GLIS3: variants seen among roughly 807,000 people sequenced by gnomAD.
The protein encoded by GLIS3 is GLIS family zinc finger 3.
In GLIS3, 53 loss-of-function variants were observed where a neutral mutation model predicts 78.6. The observed-to-expected ratio is 0.67, with a 90% CI of 0.54 to 0.85. The LOEUF (loss-of-function observed/expected upper bound fraction) is 0.85. Ranked by LOEUF, GLIS3 falls within the 40% of genes least tolerant of loss-of-function variation. The pLI is 0.00. For synonymous variants in GLIS3, 684 were observed against 509.9 expected (o/e 1.34, Z -4.60); for missense variants, 1,703 against 1,231.1 (o/e 1.38, Z -5.74).
At position 4,203,467 on chromosome 9, in the gene GLIS3, G is replaced by A. The variant is rs1021752359; in HGVS notation, c.389-77526C>T. Among the ~76,000 whole-genome samples the A allele has an allele frequency of 2.0e-5, 3 of 152,188 alleles. 1 individual carries two copies. The stretch of plus-strand genomic sequence containing the variant: ...ACACATTTACCTACGTAACATGACT[G>A]CACGTCCTGCACATGTAGCCTGGAA... On this transcript the variant is annotated intron_variant, in intron 2 of 10. Transcript: ENST00000381971.
At chr9:4,063,073 C>G (rs909272844) in intron 4 of GLIS3, among the ~76,000 whole-genome samples, 1 of 151,780 alleles carries the variant, frequency 6.6e-6, no homozygotes, top group Non-Finnish European at 1.5e-5. Context: ...AGATGGCAAA[C>G]TGAGTTCCAT....
At chr9:4,286,736 T>C (rs1371890488) in intron 1 of GLIS3, among the ~76,000 whole-genome samples, 1 of 152,218 alleles carries the variant, frequency 6.6e-6, no homozygotes, top group Non-Finnish European at 1.5e-5. Context: ...GATCACTGCA[T>C]TGTTTTGTTT....
At chr9:4,311,109 T>G (rs1229521352) in intron 2 of GLIS3, among the ~76,000 whole-genome samples, 3 of 152,190 alleles carry the variant, frequency 2.0e-5, no homozygotes, top group Non-Finnish European at 4.4e-5. Context: ...AGTCTGTGGA[T>G]AGAAGTGTAT....
intron 7 of GLIS3, among the ~76,000 whole-genome samples, chr9:3,897,874 G>C (rs1187482137): frequency 2.6e-5 from 4 of 152,214 alleles, no homozygotes; most frequent in Admixed American, 1.3e-4. Context: ...GAATCAGATG[G>C]GGGTGGGGGT....
chr9:4,107,781 T>C lies in GLIS3; in HGVS notation c.1710+9987A>G, dbSNP rs1046159663. ...AAAAAAAAAACATGGCTGGCATCAT[T>C]TTCTGAGGAGCCAGAGACAACAAAC... On this transcript the variant is annotated intron_variant, in intron 4 of 10. Transcript: ENST00000381971. Among the ~76,000 whole-genome samples the C allele has an allele frequency of 2.6e-5, 4 of 152,008 alleles. No homozygotes were observed. The East Asian group carries it at 7.7e-4, about 29-fold the overall frequency.
rs1283204437 is a variant in GLIS3 at position 3,828,335 on chromosome 9, G to A, written c.2730C>T (p.Phe910=). 7 of 1,614,082 alleles carry A rather than the reference G, an allele frequency of 4.3e-6. No homozygotes were observed. The highest frequency in any genetic ancestry group is 5.9e-6 in the Non-Finnish European group (7 of 1,180,008). Residue 910 remains phenylalanine, a synonymous_variant, in exon 11 of 11, where the codon TTC becomes TTT. Transcript: ENST00000381971. Reference sequence around the variant, plus strand: ...AGCGGTCCACGGTGCTGATCTGCAAGAAGGTAGCATCTTCAGCCCCGCTGC... The same window carrying A: ...AGCGGTCCACGGTGCTGATCTGCAAAAAGGTAGCATCTTCAGCCCCGCTGC... ...SLRSGAEDAT[F]LQISTVDRCP... is the part of the protein sequence containing the mutation.
intron 2 of GLIS3, among the ~76,000 whole-genome samples, chr9:4,331,124 C>G (rs540838383): frequency 1.2e-5 from 1 of 83,956 alleles, no homozygotes; most frequent in African/African-American, 2.7e-5. Context: ...TGTTACAGTT[C>G]TAGAAGCTGT....
the GLIS3 span, among the ~76,000 whole-genome samples, chr9:4,377,907 TTAA>T: frequency 2.6e-5 from 4 of 152,268 alleles, 1 homozygote; most frequent in South Asian, 8.3e-4. Context: ...AGAAGTTCAT[TTAA>T]TAATATTTAT....
At chr9:4,300,139 G>A (rs1472338116), upstream of GLIS3, among the ~76,000 whole-genome samples, 1 of 151,370 alleles carries the variant, frequency 6.6e-6, no homozygotes, top group African/African-American at 2.4e-5. Flanking sequence ...GGGGAAGAGT[G>A]GGGGCGGGCT....
At chr9:4,320,253 T>C (rs1341561353) in intron 2 of GLIS3, among the ~76,000 whole-genome samples, 1 of 152,166 alleles carries the variant, frequency 6.6e-6, no homozygotes, top group African/African-American at 2.4e-5. Flanking sequence ...TTCACTCCAG[T>C]TGCCTGACTA....
intron 9 of GLIS3, among the ~76,000 whole-genome samples, chr9:3,834,827 T>C (rs1818255789): frequency 6.6e-6 from 1 of 152,202 alleles, no homozygotes; most frequent in African/African-American, 2.4e-5. Context: ...AGGAATGTTT[T>C]AGGCTAAACT....
rs555548670 is a variant in GLIS3, at chr9:4,008,172, T to C, written c.1711-70983A>G. ...GCTGAGAGTGGGCTTGGCCTAGTTT[T>C]TACACAGCTCAGAGGGATGCTATAA... On this transcript the variant is annotated intron_variant, in intron 4 of 10. Transcript: ENST00000381971. 3.4e-4 allele frequency among the ~76,000 whole-genome samples: 52 copies of C among 152,340 alleles called. 1 individual carries two copies. Among genetic ancestry groups the C allele is most frequent in the African/African-American group, 1.2e-3 (48 of 41,580 alleles).
At chr9:4,199,150 C>T (rs995696967) in intron 2 of GLIS3, among the ~76,000 whole-genome samples, 1 of 152,066 alleles carries the variant, frequency 6.6e-6, no homozygotes, top group Non-Finnish European at 1.5e-5. Context: ...AAGCAATCAC[C>T]CAATAGAAAC....
At chr9:4,246,221 C>G (rs1194312056) in intron 2 of GLIS3, among the ~76,000 whole-genome samples, 1 of 152,136 alleles carries the variant, frequency 6.6e-6, no homozygotes, top group Admixed American at 6.5e-5. Context: ...TATCCAGTCT[C>G]ATAACCCAGT....
intron 4 of GLIS3, among the ~76,000 whole-genome samples, chr9:3,974,120 C>T (rs900372632): frequency 6.6e-6 from 1 of 152,062 alleles, no homozygotes; most frequent in African/African-American, 2.4e-5. Context: ...CCTTCCCAAC[C>T]ATACATGAAA....
chr9:3,923,045 G>A (rs765315370), intron 6 of GLIS3, among the ~76,000 whole-genome samples: 1 of 152,148 alleles, frequency 6.6e-6, no homozygotes, highest in Non-Finnish European at 1.5e-5. Flanking sequence ...ATAGCATTTT[G>A]GAAAAGACTG....
At chr9:4,174,154 C>T (rs548621297) in intron 2 of GLIS3, among the ~76,000 whole-genome samples, 1 of 152,132 alleles carries the variant, frequency 6.6e-6, no homozygotes, top group Admixed American at 6.6e-5. Flanking sequence ...AATAGTTTGC[C>T]CCCAAAGAAT....
At chr9:3,905,060 C>T (rs1186150019) in intron 6 of GLIS3, among the ~76,000 whole-genome samples, 2 of 151,674 alleles carry the variant, frequency 1.3e-5, no homozygotes, top group Non-Finnish European at 2.9e-5. Context: ...GCAAGCTCTG[C>T]CTCCCAGGTT....
At chr9:4,105,780 C>T (rs535151967) in intron 4 of GLIS3, among the ~76,000 whole-genome samples, 16 of 152,144 alleles carry the variant, frequency 1.1e-4, no homozygotes, top group Non-Finnish European at 2.1e-4. Context: ...TGACTGATTC[C>T]ACCATAAAGC....
Sources: gnomAD v4.1 joint callset for allele counts (sites outside exome capture counted in the v4.1 genomes callset) on GRCh38, gnomAD v4.1.1 for gene constraint, MANE v1.5 for transcripts, NCBI Gene and HGNC (gene_info 2026-07-23, HGNC 2026-07-21) for gene names.